Variants in AUTS2 observed in about 807,000 individuals in gnomAD.
The protein encoded by AUTS2 is autism susceptibility gene 2 protein.
Under a neutral mutation model 112.4 loss-of-function variants are expected in AUTS2, and 17 were observed. The observed-to-expected ratio is 0.15, with a 90% CI of 0.10 to 0.23. AUTS2 has a LOEUF of 0.23. AUTS2 is among the 10% of genes least tolerant of loss of function. AUTS2 has a pLI of 1.00. For synonymous variants in AUTS2, 751 were observed against 702.7 expected (o/e 1.07, Z -1.09); for missense variants, 1,510 against 1,701.6 (o/e 0.89, Z 1.98).
intron 5 of AUTS2, among the ~76,000 whole-genome samples, chr7:70,554,132 G>A (rs571622200): frequency 2.7e-5 from 4 of 147,150 alleles, no homozygotes; most frequent in African/African-American, 1.0e-4. Flanking sequence ...GCAATGGCGC[G>A]ATCTCCACTC....
intron 1 of AUTS2, among the ~76,000 whole-genome samples, chr7:69,882,150 CAAAAAA>C (rs57238970): frequency 0.075 from 4,259 of 56,990 alleles, 78 homozygotes; most frequent in Middle Eastern, 0.19. Context: ...AACTCTGTCT[CAAAAAA>C]AAAAAAAAAA....
intron 14 of AUTS2, among the ~76,000 whole-genome samples, chr7:70,779,271 T>C (rs965666134): frequency 6.6e-6 from 1 of 152,230 alleles, no homozygotes; most frequent in Non-Finnish European, 1.5e-5. Context: ...GAGCAGAAAT[T>C]ACATCTTCCC....
intron 5 of AUTS2, among the ~76,000 whole-genome samples, chr7:70,491,805 C>T (rs142515335): frequency 3.7e-4 from 56 of 151,858 alleles, no homozygotes; most frequent in African/African-American, 1.3e-3. Context: ...AGTAGAGATG[C>T]GGTTTCGCCA....
chr7:69,719,964 TAGAG>T (rs1399583267), intron 1 of AUTS2, among the ~76,000 whole-genome samples: 4 of 152,188 alleles, frequency 2.6e-5, no homozygotes, highest in South Asian at 4.1e-4. Flanking sequence ...TATTCTTTCA[TAGAG>T]AGAGGCAGCT....
chr7:70,413,893 T>G (rs2130520827), intron 4 of AUTS2, among the ~76,000 whole-genome samples: 1 of 152,292 alleles, frequency 6.6e-6, no homozygotes. Flanking sequence ...CAGGCTGGTC[T>G]TGAACTCCTA....
chr7:69,994,453 G>A (rs1798862300), intron 2 of AUTS2, among the ~76,000 whole-genome samples: 1 of 152,170 alleles, frequency 6.6e-6, no homozygotes, highest in Non-Finnish European at 1.5e-5. Flanking sequence ...GTGGTTGGAG[G>A]TTTAGAGAAG....
chr7:70,786,881 C>T, intron 17 of AUTS2: 1 of 405,780 alleles, frequency 2.5e-6, no homozygotes, highest in Non-Finnish European at 4.6e-6. Flanking sequence ...ATAACACACC[C>T]TTCTGCATGC....
intron 4 of AUTS2, among the ~76,000 whole-genome samples, chr7:70,396,473 T>C (rs921671041): frequency 6.6e-6 from 1 of 151,616 alleles, no homozygotes; most frequent in Non-Finnish European, 1.5e-5. Flanking sequence ...ACCTCCCGGG[T>C]TCAAGCCATC....
intron 6 of AUTS2, among the ~76,000 whole-genome samples, chr7:70,734,651 T>G (rs1004232276): frequency 1.3e-5 from 2 of 152,128 alleles, no homozygotes; most frequent in African/African-American, 4.8e-5. Context: ...TGTTGGGCAC[T>G]GAATAGATTA....
At position 70,739,003 on chromosome 7, in the gene AUTS2, C is replaced by CTTTTTTTTTTTTTTTTTTT. The variant is rs57525224; in HGVS notation, c.743-23851_743-23833dup. ...GGTGATGTCCACGAGGTTTTGAGGC[C>CTTTTTTTTTTTTTTTTTTT]TTTTTTTTTTTTTTTTTTTTTTTTT... On this transcript the variant is annotated intron_variant, in intron 6 of 18. Transcript: ENST00000342771. 1.6e-4 allele frequency among the ~76,000 whole-genome samples: 9 copies of CTTTTTTTTTTTTTTTTTTT among 57,296 alleles called. 1 individual carries two copies. The highest frequency in any genetic ancestry group is 1.9e-4 in the African/African-American group (3 of 15,392). 37.6% of individuals were successfully genotyped at this position (57,296 alleles called of 152,430 possible). A position where few individuals can be genotyped will look rare whatever the true frequency, so the allele number is the denominator to read the frequency against.
intron 2 of AUTS2, among the ~76,000 whole-genome samples, chr7:69,953,398 G>C (rs964935163): frequency 6.6e-6 from 1 of 151,978 alleles, no homozygotes; most frequent in Admixed American, 6.6e-5. Flanking sequence ...TCTATTCTCA[G>C]CAACAATAAG....
intron 4 of AUTS2, among the ~76,000 whole-genome samples, chr7:70,389,315 C>T (rs373262380): frequency 6.6e-6 from 1 of 152,186 alleles, no homozygotes; most frequent in African/African-American, 2.4e-5. Flanking sequence ...CCACCCAATC[C>T]TTCAGTGCCT....
chr7:70,168,004 G>A (rs1053924959), intron 4 of AUTS2, among the ~76,000 whole-genome samples: 3 of 152,192 alleles, frequency 2.0e-5, no homozygotes, highest in Non-Finnish European at 2.9e-5. Context: ...GCATAAGGAC[G>A]TACTAAGTCA....
chr7:70,690,876 G>A (rs959061356), intron 5 of AUTS2, among the ~76,000 whole-genome samples: 2 of 152,182 alleles, frequency 1.3e-5, no homozygotes, highest in Non-Finnish European at 2.9e-5. Context: ...CGGGAGGATT[G>A]CTTTAGCCCA....
At chr7:69,683,308 A>G (rs1162738469) in intron 1 of AUTS2, among the ~76,000 whole-genome samples, 1 of 152,330 alleles carries the variant, frequency 6.6e-6, no homozygotes, top group East Asian at 1.9e-4. Context: ...ACACGTGGCA[A>G]CAAAAAGTGG....
intron 6 of AUTS2, among the ~76,000 whole-genome samples, chr7:70,703,167 A>G (rs1046478162): frequency 1.3e-5 from 2 of 152,146 alleles, no homozygotes; most frequent in African/African-American, 2.4e-5. Flanking sequence ...TAAGAGTTAT[A>G]TTACCATCAA....
At chr7:70,297,052 G>A (rs150748889) in intron 4 of AUTS2, among the ~76,000 whole-genome samples, 2 of 131,116 alleles carry the variant, frequency 1.5e-5, no homozygotes, top group Non-Finnish European at 3.2e-5. Flanking sequence ...GTCTCACTAT[G>A]TTGCCCAGGC....
chr7:69,611,928 C>A (rs1194848122), intron 1 of AUTS2, among the ~76,000 whole-genome samples: 1 of 100,388 alleles, frequency 1.0e-5, no homozygotes, highest in East Asian at 3.1e-4. Context: ...CAGAGCGAGA[C>A]TCCGTCTCAA....
At chr7:70,168,699 C>T (rs1315718692) in intron 4 of AUTS2, among the ~76,000 whole-genome samples, 1 of 152,106 alleles carries the variant, frequency 6.6e-6, no homozygotes, top group Non-Finnish European at 1.5e-5. Flanking sequence ...AGTATGAATT[C>T]TCGATATGTA....
Sources: gnomAD v4.1 joint callset for allele counts (sites outside exome capture counted in the v4.1 genomes callset) on GRCh38, gnomAD v4.1.1 for gene constraint, MANE v1.5 for transcripts, NCBI Gene and HGNC (gene_info 2026-07-23, HGNC 2026-07-21) for gene names.